IMMP2L: variants seen among roughly 807,000 people sequenced by gnomAD.
IMMP2L encodes inner mitochondrial membrane peptidase subunit 2, also known as mitochondrial inner membrane protease subunit 2.
A neutral mutation model predicts 19.3 loss-of-function variants in IMMP2L; 18 were observed. That is an observed-to-expected ratio of 0.93 (90% CI 0.64 to 1.38). The LOEUF (loss-of-function observed/expected upper bound fraction) is 1.38, where lower values mean the gene tolerates loss of function less well. IMMP2L is among the 40% of genes most tolerant of loss of function. IMMP2L has a pLI of 0.00. For synonymous variants in IMMP2L, 76 were observed against 73.0 expected (o/e 1.04, Z -0.21); for missense variants, 233 against 218.2 (o/e 1.07, Z -0.43).
chr7:110,725,805 A>G (rs1795849680), intron 5 of IMMP2L: 1 of 152,238 alleles, frequency 6.6e-6, no homozygotes, highest in Admixed American at 6.5e-5. Context: ...AAGGCTTCAC[A>G]AACTACGTAA....
At chr7:110,950,529 A>C (rs1185824830) in intron 4 of IMMP2L, among the ~76,000 whole-genome samples, 1 of 152,014 alleles carries the variant, frequency 6.6e-6, no homozygotes, top group East Asian at 1.9e-4. Context: ...TCTTCAAAAA[A>C]TTAAAAATAG....
intron 5 of IMMP2L, among the ~76,000 whole-genome samples, chr7:110,712,268 T>A (rs368292372): frequency 0.018 from 1,786 of 100,774 alleles, 70 homozygotes; most frequent in Middle Eastern, 0.039. Flanking sequence ...AATACCCTGC[T>A]GTGTGAGGTG....
intron 5 of IMMP2L, among the ~76,000 whole-genome samples, chr7:110,880,038 G>C (rs1809486975): frequency 6.6e-6 from 1 of 152,046 alleles, no homozygotes; most frequent in Non-Finnish European, 1.5e-5. Context: ...CTATTTAATG[G>C]GAAAGTCATG....
intron 5 of IMMP2L, among the ~76,000 whole-genome samples, chr7:110,809,248 A>G (rs550209649): frequency 3.3e-5 from 5 of 152,194 alleles, no homozygotes; most frequent in Non-Finnish European, 7.4e-5. Context: ...CTCACTGAAG[A>G]AGACTAAGAT....
intron 4 of IMMP2L, among the ~76,000 whole-genome samples, chr7:110,887,962 T>C (rs1310131702): frequency 6.6e-6 from 1 of 152,096 alleles, no homozygotes; most frequent in African/African-American, 2.4e-5. Flanking sequence ...GAATAATGTA[T>C]TTTAAAAAAC....
At chr7:110,995,345 T>G (rs1454938796) in intron 3 of IMMP2L, among the ~76,000 whole-genome samples, 1 of 152,172 alleles carries the variant, frequency 6.6e-6, no homozygotes, top group African/African-American at 2.4e-5. Context: ...TTAATACCTG[T>G]GCCCCACTAA....
intron 3 of IMMP2L, among the ~76,000 whole-genome samples, chr7:110,968,944 C>T (rs1819853967): frequency 6.6e-6 from 1 of 151,960 alleles, no homozygotes; most frequent in East Asian, 1.9e-4. Flanking sequence ...AGTTACAATC[C>T]TTTTTTAAGA....
chr7:111,195,386 C>T (rs1299685226), intron 3 of IMMP2L, among the ~76,000 whole-genome samples: 1 of 151,960 alleles, frequency 6.6e-6, no homozygotes, highest in Non-Finnish European at 1.5e-5. Context: ...ACATTATCAG[C>T]TGCTTCTAAA....
intron 3 of IMMP2L, among the ~76,000 whole-genome samples, chr7:111,072,029 C>T (rs181471337): frequency 6.7e-4 from 102 of 151,874 alleles, no homozygotes; most frequent in African/African-American, 2.2e-3. Context: ...ACCCACCAGC[C>T]AAATATAGGG....
chr7:110,967,491 C>T lies in IMMP2L; in HGVS notation c.240-3926G>A, dbSNP rs539310000. On this transcript the variant is annotated intron_variant, in intron 3 of 5. Coordinates refer to ENST00000405709, the MANE Select transcript of IMMP2L (RefSeq NM_032549.4). ...TATGATAAAATTTTAAAACTTCCCT[C>T]TGTGACTTGGGTAGATTTTTATATT... Among the ~76,000 whole-genome samples the T allele has an allele frequency of 3.3e-5, 5 of 152,146 alleles. No homozygotes were observed. In the South Asian group the frequency reaches 1.0e-3, roughly 32 times the overall value.
intron 3 of IMMP2L, among the ~76,000 whole-genome samples, chr7:111,096,589 C>A (rs993355743): frequency 6.6e-6 from 1 of 151,214 alleles, no homozygotes; most frequent in Non-Finnish European, 1.5e-5. Context: ...ACCTACTCAT[C>A]CATATGTTTG....
chr7:110,870,457 T>C lies in IMMP2L; in HGVS notation c.408+16136A>G, dbSNP rs76086269. On this transcript the variant is annotated intron_variant, in intron 5 of 5. Coordinates refer to ENST00000405709, the MANE Select transcript of IMMP2L (RefSeq NM_032549.4). The surrounding 1 kb of genome is among the most constrained non-coding windows in gnomAD (Gnocchi z 4.2). The stretch of plus-strand genomic sequence containing the variant: ...CAAAAGGACAAGGTTCCTGACCTCA[T>C]GAAGCTCAATTTTCTATTGGAGGAG... Among the ~76,000 whole-genome samples, 1,084 of 152,212 alleles carry C rather than the reference T, an allele frequency of 7.1e-3. 8 individuals carry two copies. The highest frequency in any genetic ancestry group is 0.022 in the African/African-American group (932 of 41,546).
intron 5 of IMMP2L, among the ~76,000 whole-genome samples, chr7:110,780,918 C>A (rs78679332): frequency 1.3e-4 from 19 of 151,906 alleles, no homozygotes; most frequent in Non-Finnish European, 2.8e-4. Context: ...GAGAGCAGTT[C>A]CACCAGTGTG....
chr7:111,121,136 C>T (rs1800557874), intron 3 of IMMP2L, among the ~76,000 whole-genome samples: 3 of 152,198 alleles, frequency 2.0e-5, no homozygotes, highest in Non-Finnish European at 2.9e-5. Context: ...TTAAATTTCT[C>T]AGCCTGCCCA....
At chr7:111,119,210 G>A (rs1309991788) in intron 3 of IMMP2L, among the ~76,000 whole-genome samples, 1 of 152,182 alleles carries the variant, frequency 6.6e-6, no homozygotes, top group Non-Finnish European at 1.5e-5. Context: ...ATACAGAAAT[G>A]CAATTGGACT....
intron 3 of IMMP2L, among the ~76,000 whole-genome samples, chr7:111,182,112 T>C (rs1456319788): frequency 1.3e-5 from 2 of 152,000 alleles, no homozygotes; most frequent in Non-Finnish European, 2.9e-5. Flanking sequence ...AATTGATACA[T>C]AAAATGAAGA....
rs184182041 is a variant in IMMP2L at position 111,228,014 on chromosome 7, G to A, written c.239+259224C>T. Among the ~76,000 whole-genome samples the A allele has an allele frequency of 1.1e-3, 165 of 152,192 alleles. 1 individual carries two copies. The highest frequency in any genetic ancestry group is 3.9e-3 in the African/African-American group (162 of 41,540). ...GACAGCATGTAGTGATTTCAGAACC[G>A]ATTCCATTGAAACCTAGCCATAGGC... On this transcript the variant is annotated intron_variant, in intron 3 of 5. Coordinates refer to ENST00000405709, the MANE Select transcript of IMMP2L (RefSeq NM_032549.4).
intron 3 of IMMP2L, among the ~76,000 whole-genome samples, chr7:111,169,151 T>TA (rs1554373510): frequency 2.0e-5 from 3 of 151,888 alleles, no homozygotes; most frequent in Non-Finnish European, 2.9e-5. Flanking sequence ...TATATTTTGT[T>TA]AAAGATTTAT....
intron 3 of IMMP2L, among the ~76,000 whole-genome samples, chr7:111,409,822 T>G (rs1834237265): frequency 6.6e-6 from 1 of 151,636 alleles, no homozygotes; most frequent in Non-Finnish European, 1.5e-5. Flanking sequence ...CTATTTCAGA[T>G]AGTGGACCAA....
Sources: allele counts gnomAD v4.1 joint callset (sites outside exome capture counted in the v4.1 genomes callset), GRCh38; gene constraint gnomAD v4.1.1; non-coding constraint Gnocchi (gnomAD v3.1); transcripts MANE v1.5; gene names NCBI Gene and HGNC (gene_info 2026-07-23, HGNC 2026-07-21).